PAH: variants seen among roughly 807,000 people sequenced by gnomAD.
The protein encoded by PAH is phenylalanine-4-hydroxylase.
PAH carries 64 observed loss-of-function variants against 62.0 expected under a neutral mutation model. The ratio of observed to expected loss-of-function variants is 1.03; its 90% confidence interval spans 0.84 to 1.27. The LOEUF is 1.27. Ranked by LOEUF, PAH falls within the 50% of genes most tolerant of loss-of-function variation. PAH has a pLI of 0.00. For synonymous variants in PAH, 195 were observed against 196.2 expected, an observed-to-expected ratio of 0.99 and a Z score of 0.05; for missense variants, 579 against 542.8, an observed-to-expected ratio of 1.07 and a Z score of -0.66.
intron 9 of PAH, among the ~76,000 whole-genome samples, 196 bp from the exon 10 acceptor site, chr12:102,844,627 G>A (rs894580967): frequency 6.6e-5 from 10 of 152,140 alleles, no homozygotes; most frequent in Non-Finnish European, 1.3e-4. Context: ...CATTGTGGGC[G>A]GGAACCACCC....
At chr12:102,909,752 A>C (rs1287764444) in intron 2 of PAH, among the ~76,000 whole-genome samples, 1 of 152,240 alleles carries the variant, frequency 6.6e-6, no homozygotes, top group East Asian at 1.9e-4. Context: ...TGAGTCCAGG[A>C]GTTCCAGATC....
chr12:102,954,416 G>A (rs1879854217), upstream of PAH, among the ~76,000 whole-genome samples: 1 of 152,190 alleles, frequency 6.6e-6, no homozygotes, highest in African/African-American at 2.4e-5. Context: ...TGGGTGGGTT[G>A]TGTGAGCATG....
intron 8 of PAH, 164 bp from the exon 9 acceptor site, chr12:102,847,115 AT>A (rs1565843881): frequency 7.5e-6 from 5 of 666,564 alleles, no homozygotes; most frequent in Non-Finnish European, 1.4e-5. Flanking sequence ...ATGTTATAGA[AT>A]CACAGATCTC....
intron 1 of PAH, among the ~76,000 whole-genome samples, chr12:102,927,760 G>A (rs1878726696): frequency 6.6e-6 from 1 of 152,088 alleles, no homozygotes; most frequent in African/African-American, 2.4e-5. Context: ...TCCTCATTAT[G>A]TAGGTACGTC....
chr12:102,850,365 C>A (rs1195682906), intron 8 of PAH, among the ~76,000 whole-genome samples: 2 of 152,204 alleles, frequency 1.3e-5, no homozygotes, highest in Non-Finnish European at 2.9e-5. Context: ...ACTTAGCAAG[C>A]AATAAATTCC....
intron 1 of PAH, among the ~76,000 whole-genome samples, chr12:102,930,399 T>C (rs370466776): frequency 2.5e-4 from 38 of 152,120 alleles, no homozygotes; most frequent in African/African-American, 8.7e-4. Flanking sequence ...CAAAGTAAGA[T>C]AGTTAATCCA....
intron 3 of PAH, among the ~76,000 whole-genome samples, chr12:102,894,451 A>C (rs891707728): frequency 6.6e-6 from 1 of 151,538 alleles, no homozygotes; most frequent in African/African-American, 2.4e-5. Flanking sequence ...AGAAAAAAGA[A>C]ATAGCTATCT....
chr12:102,857,264 G>T (rs1875477107), intron 5 of PAH, among the ~76,000 whole-genome samples: 1 of 152,046 alleles, frequency 6.6e-6, no homozygotes, highest in East Asian at 1.9e-4. Flanking sequence ...GAAGTGAGAA[G>T]TTTAGAGAAA....
At chr12:102,891,665 G>A (rs1164182654) in intron 3 of PAH, among the ~76,000 whole-genome samples, 3 of 152,148 alleles carry the variant, frequency 2.0e-5, no homozygotes, top group South Asian at 2.1e-4. Flanking sequence ...AGACTGCAAG[G>A]GTCAATGATT....
intron 3 of PAH, among the ~76,000 whole-genome samples, chr12:102,879,235 T>C (rs561830643): frequency 2.7e-4 from 41 of 151,948 alleles, no homozygotes; most frequent in Admixed American, 3.9e-4. Context: ...TCTGGTGGAG[T>C]AGCTACTTGA....
upstream of PAH, among the ~76,000 whole-genome samples, chr12:102,920,424 G>T (rs1285488052): frequency 6.6e-6 from 1 of 152,222 alleles, no homozygotes; most frequent in East Asian, 1.9e-4. Context: ...CACAAGATGA[G>T]AAGTTGTGTA....
At chr12:102,855,114 A>C (rs1165756933) in intron 6 of PAH, 22 bp downstream of exon 6, 3 of 1,602,820 alleles carry the variant, frequency 1.9e-6, no homozygotes, top group African/African-American at 1.3e-5. Context: ...CTGCAGGGCC[A>C]TTGACCCTGA....
upstream of PAH, among the ~76,000 whole-genome samples, chr12:102,921,162 TG>T (rs1878543352): frequency 3.3e-5 from 5 of 152,282 alleles, no homozygotes; most frequent in South Asian, 6.2e-4. Context: ...TTCCTATTGG[TG>T]GGTATACCTA....
In PAH at chr12:102,916,883, T is replaced by A. The variant is rs530784272; in HGVS notation, c.60+188A>T. On this transcript the variant is annotated intron_variant, in intron 1 of 12. Transcript: ENST00000553106. ...TCCTGTGAAAGCCACCGAGGACAGA[T>A]GTTCTCCTACTTAGAAACAATTGTT... is the stretch of plus-strand genomic sequence containing the variant. Among the ~76,000 whole-genome samples, 13 of 151,406 alleles carry A rather than the reference T, an allele frequency of 8.6e-5. No homozygotes were observed. In the East Asian group the frequency reaches 2.3e-3, roughly 27 times the overall value.
chr12:102,951,063 G>GA (rs1879740391), upstream of PAH, among the ~76,000 whole-genome samples: 1 of 152,114 alleles, frequency 6.6e-6, no homozygotes, highest in Non-Finnish European at 1.5e-5. Flanking sequence ...GTGCGTGGGG[G>GA]GGGAAGCAGG....
chr12:102,884,856 T>C (rs11111416), intron 3 of PAH, among the ~76,000 whole-genome samples: 1,593 of 152,320 alleles, frequency 0.01, 22 homozygotes, highest in African/African-American at 0.036. Flanking sequence ...GATACTGTGC[T>C]AAGTGCTTTA....
chr12:102,900,989 C>T (rs968987370), intron 2 of PAH, among the ~76,000 whole-genome samples: 2 of 152,116 alleles, frequency 1.3e-5, no homozygotes, highest in African/African-American at 4.8e-5. Context: ...TAAAACCTTG[C>T]TAATCAGGAT....
intron 1 of PAH, among the ~76,000 whole-genome samples, chr12:102,916,399 G>A (rs1878385449): frequency 6.6e-6 from 1 of 152,120 alleles, no homozygotes; most frequent in Non-Finnish European, 1.5e-5. Flanking sequence ...ATTAAAGAAT[G>A]TATTCTGCAA....
At position 102,928,290 on chromosome 12, in the gene PAH, C is replaced by A. The variant is rs1456675588; in HGVS notation, c.-95-11065G>T. On this transcript the variant is annotated intron_variant, in intron 1 of 3. Transcript: ENST00000546844. ...CTGTCACCTCAAGCATTTATCCTTT[C>A]TTTGTGTTACAAACAATCCAATTAT... Among the ~76,000 whole-genome samples the A allele has an allele frequency of 3.9e-5, 6 of 152,110 alleles. No homozygotes were observed. The East Asian group carries it at 1.2e-3, about 29-fold the overall frequency.
Sources: allele counts gnomAD v4.1 joint callset (sites outside exome capture counted in the v4.1 genomes callset), GRCh38; gene constraint gnomAD v4.1.1; transcripts MANE v1.5; gene names NCBI Gene and HGNC (gene_info 2026-07-23, HGNC 2026-07-21).